Variants in CDH13 observed in about 807,000 individuals in gnomAD.
The protein encoded by CDH13 is cadherin-13.
CDH13 carries 24 observed loss-of-function variants against 63.8 expected under a neutral mutation model. That is an observed-to-expected ratio of 0.38 (90% confidence interval 0.27 to 0.53). The LOEUF (loss-of-function observed/expected upper bound fraction) is 0.53, where lower values mean the gene tolerates loss of function less well. Among genes scored for constraint, CDH13 ranks in the 20% least tolerant of loss-of-function variants. The pLI is 0.85. For synonymous variants in CDH13, 503 were observed against 355.3 expected, an observed-to-expected ratio of 1.42 and a Z score of -4.67; for missense variants, 1,049 against 903.1, an observed-to-expected ratio of 1.16 and a Z score of -2.07.
At chr16:83,165,716 G>T (rs1042698285) in intron 4 of CDH13, among the ~76,000 whole-genome samples, 1 of 152,096 alleles carries the variant, frequency 6.6e-6, no homozygotes, top group African/African-American at 2.4e-5. Flanking sequence ...TTCCAAGATG[G>T]CTTAAAAATA....
At chr16:82,716,383 G>T (rs1273399167) in intron 1 of CDH13, among the ~76,000 whole-genome samples, 1 of 151,896 alleles carries the variant, frequency 6.6e-6, no homozygotes, top group East Asian at 1.9e-4. Flanking sequence ...AATTAGAGAT[G>T]GCTTCAGGTT....
At chr16:83,129,764 C>T (rs893089941) in intron 4 of CDH13, among the ~76,000 whole-genome samples, 9 of 152,364 alleles carry the variant, frequency 5.9e-5, no homozygotes, top group African/African-American at 2.2e-4. Flanking sequence ...GGATTCTGTA[C>T]AGCAGCCACC....
intron 2 of CDH13, among the ~76,000 whole-genome samples, chr16:82,904,068 A>G (rs1357632669): frequency 6.6e-6 from 1 of 152,182 alleles, no homozygotes; most frequent in African/African-American, 2.4e-5. Flanking sequence ...ATTTAAGCAC[A>G]CAAATTAACT....
chr16:83,728,397 C>T (rs1354481766), intron 10 of CDH13, among the ~76,000 whole-genome samples: 3 of 148,316 alleles, frequency 2.0e-5, no homozygotes, highest in Admixed American at 1.4e-4. Flanking sequence ...CCCTATGAAA[C>T]GAGGAGAAAA....
chr16:83,448,260 G>A (rs79558372), intron 6 of CDH13, among the ~76,000 whole-genome samples: 243 of 152,156 alleles, frequency 1.6e-3, no homozygotes, highest in Non-Finnish European at 2.8e-3. Context: ...AGTAAGGAGG[G>A]GCTCATTTGC....
chr16:82,968,538 C>G (rs1292363281), intron 2 of CDH13, among the ~76,000 whole-genome samples: 1 of 152,174 alleles, frequency 6.6e-6, no homozygotes, highest in Admixed American at 6.5e-5. Flanking sequence ...TTCCTGAACA[C>G]TTCATGCTTT....
At chr16:83,564,626 C>T (rs2075762239) in intron 7 of CDH13, among the ~76,000 whole-genome samples, 2 of 152,146 alleles carry the variant, frequency 1.3e-5, no homozygotes, top group African/African-American at 4.8e-5. Flanking sequence ...CCAGGCTGGT[C>T]TCAAACTCCT....
chr16:82,667,515 A>G (rs1912735621), intron 1 of CDH13, among the ~76,000 whole-genome samples: 1 of 151,996 alleles, frequency 6.6e-6, no homozygotes, highest in Non-Finnish European at 1.5e-5. Context: ...GCACCGTAGG[A>G]TTGTGCATGT....
At chr16:83,755,683 C>T (rs1913449002) in intron 11 of CDH13, among the ~76,000 whole-genome samples, 1 of 151,398 alleles carries the variant, frequency 6.6e-6, no homozygotes, top group Admixed American at 6.6e-5. Context: ...AGATGCCTAC[C>T]AACCTAGAAT....
At chr16:83,422,217 G>T (rs1350991407) in intron 6 of CDH13, among the ~76,000 whole-genome samples, 1 of 152,100 alleles carries the variant, frequency 6.6e-6, no homozygotes, top group African/African-American at 2.4e-5. Context: ...TTCGTAAGTT[G>T]TACTGTATAA....
At chr16:82,647,543 C>T (rs1489732979) in intron 1 of CDH13, among the ~76,000 whole-genome samples, 1 of 152,148 alleles carries the variant, frequency 6.6e-6, no homozygotes, top group East Asian at 1.9e-4. Context: ...CCCCTGGGAA[C>T]CTTTGAGAAT....
chr16:82,835,778 C>A (rs1384236243), intron 1 of CDH13, among the ~76,000 whole-genome samples: 3 of 152,196 alleles, frequency 2.0e-5, no homozygotes, highest in Non-Finnish European at 4.4e-5. Flanking sequence ...ATGATCAATC[C>A]ATATGCATGT....
At chr16:82,740,774 C>T (rs910644045) in intron 1 of CDH13, among the ~76,000 whole-genome samples, 3 of 152,190 alleles carry the variant, frequency 2.0e-5, no homozygotes, top group South Asian at 2.1e-4. Flanking sequence ...GTCACTTCCA[C>T]CCACTGGGCA....
At chr16:82,832,456 T>A in intron 1 of CDH13, among the ~76,000 whole-genome samples, 1 of 152,144 alleles carries the variant, frequency 6.6e-6, no homozygotes, top group Non-Finnish European at 1.5e-5. Context: ...CCTTCCTCCT[T>A]CTCATCCTCC....
intron 3 of CDH13, among the ~76,000 whole-genome samples, chr16:83,075,857 C>G (rs2032798331): frequency 1.3e-5 from 2 of 152,164 alleles, no homozygotes; most frequent in South Asian, 2.1e-4. Context: ...TCAGTTAAAG[C>G]TCTTTGATAC....
chr16:83,052,044 G>A (rs1165221777), intron 3 of CDH13, among the ~76,000 whole-genome samples: 3 of 152,090 alleles, frequency 2.0e-5, no homozygotes, highest in Admixed American at 6.5e-5. Context: ...AGATAAATTA[G>A]AAGCATGAAT....
At chr16:83,205,401 C>A (rs147308416) in intron 4 of CDH13, among the ~76,000 whole-genome samples, 34 of 152,222 alleles carry the variant, frequency 2.2e-4, no homozygotes, top group African/African-American at 7.9e-4. Flanking sequence ...AAAGATGACT[C>A]CTCCTCCTCC....
chr16:83,141,724 G>A (rs2036537227), intron 4 of CDH13, among the ~76,000 whole-genome samples: 1 of 152,104 alleles, frequency 6.6e-6, no homozygotes, highest in Admixed American at 6.6e-5. Flanking sequence ...GTGTCCATGT[G>A]TTCTCATTGT....
chr16:82,657,006 G>A (rs770685958), intron 1 of CDH13, among the ~76,000 whole-genome samples: 2 of 149,048 alleles, frequency 1.3e-5, no homozygotes, highest in African/African-American at 2.5e-5. Context: ...GGATATCTTG[G>A]TTGCTTCTAA....
Sources: allele counts gnomAD v4.1 joint callset (sites outside exome capture counted in the v4.1 genomes callset), GRCh38; gene constraint gnomAD v4.1.1; transcripts MANE v1.5; gene names NCBI Gene and HGNC (gene_info 2026-07-23, HGNC 2026-07-21).